The following DOCK2 variants were observed in gnomAD, a reference collection of about 807,000 sequenced individuals.
The protein encoded by DOCK2 is dedicator of cytokinesis protein 2.
A neutral mutation model predicts 248.9 loss-of-function variants in DOCK2; 87 were observed. The observed-to-expected ratio is 0.35, with a 90% CI of 0.29 to 0.42. The LOEUF is 0.42. Ranked by LOEUF, DOCK2 falls within the 10% of genes least tolerant of loss-of-function variation. The pLI is 1.00. For missense variants in DOCK2, 1,747 were observed against 2,300.2 expected (o/e 0.76, Z 4.92); for synonymous variants, 805 against 821.6 (o/e 0.98, Z 0.35).
intron 27 of DOCK2, among the ~76,000 whole-genome samples, chr5:169,898,596 A>AT (rs1773748703): frequency 6.6e-6 from 1 of 152,192 alleles, no homozygotes; most frequent in South Asian, 2.1e-4. Flanking sequence ...CAATGAAAGA[A>AT]TGACAGTTAA....
At chr5:169,924,653 G>A (rs1775341810) in intron 27 of DOCK2, among the ~76,000 whole-genome samples, 1 of 152,108 alleles carries the variant, frequency 6.6e-6, no homozygotes, top group Non-Finnish European at 1.5e-5. Context: ...ACCCCATCCT[G>A]CTTAAAAAAT....
chr5:169,639,004 T>C (rs912069960), intron 1 of DOCK2, among the ~76,000 whole-genome samples: 1 of 152,200 alleles, frequency 6.6e-6, no homozygotes, highest in African/African-American at 2.4e-5. Context: ...GGTTTTAGTA[T>C]TGCTTTTAGT....
At position 170,082,786 on chromosome 5, in the gene DOCK2, C is replaced by A. The variant is rs1440481799; in HGVS notation, c.5431-10C>A. Reference sequence around the variant, plus strand: ...CATCTTGGTTTTGTGCTTGTTTATTCTCTCAAAAGCTGGCCAGCAAATCGG... The same window carrying A: ...CATCTTGGTTTTGTGCTTGTTTATTATCTCAAAAGCTGGCCAGCAAATCGG... On this transcript the variant is annotated splice_polypyrimidine_tract_variant and intron_variant, in intron 51 of 51. Transcript: ENST00000520908. 9 of 1,613,984 alleles carry A rather than the reference C, an allele frequency of 5.6e-6. No individual in the cohort carries two copies. The highest frequency in any genetic ancestry group is 7.6e-6 in the Non-Finnish European group (9 of 1,180,022).
At chr5:170,036,677 CTG>C in intron 36 of DOCK2, 122 bp downstream of exon 36, 2 of 897,722 alleles carry the variant, frequency 2.2e-6, no homozygotes, top group South Asian at 3.7e-5. Context: ...TTCAGGCCCT[CTG>C]TGTTCTGATT....
At chr5:169,880,918 C>T (rs1044707100) in intron 27 of DOCK2, among the ~76,000 whole-genome samples, 1 of 152,138 alleles carries the variant, frequency 6.6e-6, no homozygotes, top group Non-Finnish European at 1.5e-5. Flanking sequence ...CTTGACTGTG[C>T]CAAGTAAGGG....
intron 50 of DOCK2, 196 bp from the exon 51 acceptor site, chr5:170,081,646 A>C (rs1336250435): frequency 1.6e-6 from 1 of 640,492 alleles, no homozygotes; most frequent in Non-Finnish European, 2.6e-6. Flanking sequence ...TAGGGTGGGC[A>C]ATCTTCACTG....
intron 27 of DOCK2, among the ~76,000 whole-genome samples, chr5:169,940,851 G>C (rs974425305): frequency 9.2e-5 from 14 of 152,336 alleles, no homozygotes; most frequent in Admixed American, 5.9e-4. Context: ...ACTGGTACCA[G>C]TTCATGGTCC....
intron 47 of DOCK2, 42 bp downstream of exon 47, chr5:170,076,126 G>A: frequency 6.2e-7 from 1 of 1,600,026 alleles, no homozygotes; most frequent in Non-Finnish European, 8.5e-7. Context: ...GGATTGTGCA[G>A]GGTGGGGCAG....
rs748492732 is a variant in DOCK2 at position 169,711,994 on chromosome 5, G to T, written c.1542G>T (p.Arg514=). 5 of 1,614,072 alleles carry T rather than the reference G, an allele frequency of 3.1e-6. No homozygotes were observed. In the Admixed American group the frequency reaches 8.3e-5, roughly 27 times the overall value. ...ATCTGCGATTCATGTTTCGACATCG[G>T]TCATCTCTGGAATGTGAGTACCATA... ...RIHLRFMFRH[R]SSLESKDKGE... is the part of the protein sequence containing the mutation. The change falls in exon 16 of 52, where the codon CGG becomes CGT. Residue 514 remains arginine (R), a synonymous_variant. Transcript: ENST00000520908.
chr5:169,868,586 C>A (rs1012467541), intron 27 of DOCK2, among the ~76,000 whole-genome samples: 2 of 152,116 alleles, frequency 1.3e-5, no homozygotes, highest in Non-Finnish European at 2.9e-5. Flanking sequence ...TAGCGAGACA[C>A]CATCTCTACA....
At position 170,002,441 on chromosome 5, in the gene DOCK2, A is replaced by C. The variant is rs1754871384; in HGVS notation, c.3073-6056A>C. On this transcript the variant is annotated intron_variant, in intron 30 of 51. Coordinates refer to ENST00000520908, the MANE Select transcript of DOCK2 (RefSeq NM_004946.3). ...ACTTTTAAAAAAGATGTCTGTACAT[A>C]CATTTGTTTATGCATAAAAAAATTC... Among the ~76,000 whole-genome samples the C allele has an allele frequency of 2.0e-5, 3 of 152,372 alleles. 1 individual carries two copies. The South Asian group carries it at 6.2e-4, about 32-fold the overall frequency.
intron 25 of DOCK2, among the ~76,000 whole-genome samples, chr5:169,778,196 T>C (rs141761932): frequency 1.3e-5 from 2 of 152,258 alleles, no homozygotes; most frequent in African/African-American, 4.8e-5. Context: ...GAACCATATA[T>C]CATTACCTTC....
chr5:169,781,099 G>A lies in DOCK2; in HGVS notation c.2554+19474G>A, dbSNP rs261584. Among the ~76,000 whole-genome samples the A allele has an allele frequency of 6.6e-5, 10 of 152,148 alleles. 1 individual carries two copies. The highest frequency in any genetic ancestry group is 5.2e-4 in the Admixed American group (8 of 15,274). The stretch of plus-strand genomic sequence containing the variant: ...CTTGGACAGGATGCCATTCCGTCAC[G>A]AGGTGCACTCACACACCTATGCTCA... On this transcript the variant is annotated intron_variant, in intron 25 of 51. Coordinates refer to ENST00000520908, the MANE Select transcript of DOCK2 (RefSeq NM_004946.3).
chr5:169,853,936 C>G (rs189542572), intron 27 of DOCK2, among the ~76,000 whole-genome samples: 2 of 141,942 alleles, frequency 1.4e-5, no homozygotes, highest in African/African-American at 2.6e-5. Context: ...CCCGGGTTCA[C>G]ACCATTCTCC....
At chr5:169,939,111 A>T (rs563448339) in intron 27 of DOCK2, among the ~76,000 whole-genome samples, 4 of 151,796 alleles carry the variant, frequency 2.6e-5, no homozygotes, top group Admixed American at 2.6e-4. Context: ...TCACCGCATT[A>T]GCCAGGATGG....
At position 169,761,542 on chromosome 5, in the gene DOCK2, C is replaced by A. The variant is rs777063242; in HGVS notation, c.2471C>A (p.Thr824Asn). The change falls in exon 25 of 52, where the codon ACC (threonine) becomes AAC (asparagine). Residue 824 changes from threonine to asparagine, a missense_variant. Around this residue, in one of 4 missense-constraint regions of DOCK2, gnomAD observed 858 missense variants for 1,183.5 expected, o/e 0.72. Transcript: ENST00000520908. ...LLSQLLYEFY[T>N]CIPPVKLQKQ... is the part of the protein sequence containing the mutation. ...AGCCAACTCCTGTATGAGTTCTACA[C>A]CTGCATCCCTCCTGTGAAACTCCAG... 2 of 1,614,110 alleles carry A rather than the reference C, an allele frequency of 1.2e-6. No individual in the cohort carries two copies. Among genetic ancestry groups the A allele is most frequent in the Admixed American group, 3.3e-5 (2 of 60,024 alleles).
At chr5:170,048,108 T>C (rs1756779684) in intron 40 of DOCK2, among the ~76,000 whole-genome samples, 1 of 152,144 alleles carries the variant, frequency 6.6e-6, no homozygotes. Flanking sequence ...ATAACAATAA[T>C]GGTCCAGGCA....
chr5:169,888,963 T>C (rs1008550319), intron 27 of DOCK2, among the ~76,000 whole-genome samples: 12 of 152,178 alleles, frequency 7.9e-5, no homozygotes, highest in Non-Finnish European at 1.3e-4. Context: ...GTACTTTGTG[T>C]CTTTAGCATT....
intron 23 of DOCK2, among the ~76,000 whole-genome samples, chr5:169,750,172 G>A (rs527368324): frequency 3.5e-4 from 53 of 152,332 alleles, no homozygotes; most frequent in Admixed American, 2.2e-3. Flanking sequence ...GAGGTGCCAT[G>A]GAGAGAAGAA....
Sources: allele counts gnomAD v4.1 joint callset (sites outside exome capture counted in the v4.1 genomes callset), GRCh38; gene constraint gnomAD v4.1.1; regional missense constraint gnomAD v4.1.1; transcripts MANE v1.5; gene names NCBI Gene and HGNC (gene_info 2026-07-23, HGNC 2026-07-21).